Variants in USP13 observed in about 807,000 individuals in gnomAD.
USP13 encodes the protein ubiquitin specific peptidase 13, also known as ubiquitin carboxyl-terminal hydrolase 13.
A neutral mutation model predicts 107.8 loss-of-function variants in USP13; 68 were observed. The ratio of observed to expected loss-of-function variants is 0.63; its 90% CI spans 0.52 to 0.77. The LOEUF is 0.77. USP13 is among the 30% of genes least tolerant of loss of function. The pLI is 0.00. For missense variants in USP13, 945 were observed against 1,093.3 expected (o/e 0.86, Z 1.91); for synonymous variants, 377 against 389.5 (o/e 0.97, Z 0.38).
At chr3:179,745,287 A>T in intron 13 of USP13, 70 bp downstream of exon 13, 3 of 1,464,018 alleles carry the variant, frequency 2.0e-6, no homozygotes, top group African/African-American at 1.5e-5. Flanking sequence ...GGGGTAAGGG[A>T]AAGGGGGTGG....
chr3:179,774,534 C>T (rs1385448943), intron 19 of USP13, among the ~76,000 whole-genome samples: 1 of 151,934 alleles, frequency 6.6e-6, no homozygotes, highest in Non-Finnish European at 1.5e-5. Flanking sequence ...TTCGTTCCTC[C>T]TGTCCGGAGT....
chr3:179,758,692 G>A (rs1199571994), intron 16 of USP13, among the ~76,000 whole-genome samples: 1 of 151,902 alleles, frequency 6.6e-6, no homozygotes, highest in African/African-American at 2.4e-5. Context: ...TAGAGACGGG[G>A]TTTTACCGTG....
chr3:179,758,075 A>G (rs139738649), intron 16 of USP13, among the ~76,000 whole-genome samples: 1,602 of 152,232 alleles, frequency 0.011, 17 homozygotes, highest in Non-Finnish European at 0.016. Flanking sequence ...CAGGTCTACA[A>G]CTCTACTTTT....
intron 2 of USP13, among the ~76,000 whole-genome samples, chr3:179,687,002 C>G (rs1711895451): frequency 1.3e-5 from 2 of 152,224 alleles, no homozygotes; most frequent in South Asian, 2.1e-4. Context: ...CTGTCTTCTT[C>G]CTCAGAAGGA....
rs1250576208 is a variant in USP13, at chr3:179,730,514, C to T, written c.1161-102C>T. 41 of 976,100 alleles carry T rather than the reference C, an allele frequency of 4.2e-5. 1 individual carries two copies. In the South Asian group the frequency reaches 6.2e-4, roughly 15 times the overall value. 60.5% of individuals were successfully genotyped at this position (976,100 alleles called of 1,614,324 possible). On this transcript the variant is annotated intron_variant, in intron 9 of 20. Coordinates refer to ENST00000263966, the MANE Select transcript of USP13 (RefSeq NM_003940.3). ...TGTGTGTAACGCAGATCAAATGCTC[C>T]ACCTAACAGCAGTTGTACTTATTGA...
chr3:179,727,163 GTTTTTTT>G (rs528617941), intron 8 of USP13, among the ~76,000 whole-genome samples: 3 of 114,358 alleles, frequency 2.6e-5, no homozygotes, highest in South Asian at 6.1e-4. Flanking sequence ...AATTTTTAAT[GTTTTTTT>G]TTTTTTTTTT....
At chr3:179,666,906 A>G (rs768996005) in intron 1 of USP13, among the ~76,000 whole-genome samples, 1 of 152,128 alleles carries the variant, frequency 6.6e-6, no homozygotes, top group Non-Finnish European at 1.5e-5. Context: ...ACCTCCACTT[A>G]CTACTTAGTA....
intron 6 of USP13, among the ~76,000 whole-genome samples, chr3:179,714,951 G>A (rs1713060394): frequency 6.8e-6 from 1 of 148,116 alleles, no homozygotes. Flanking sequence ...GCTTACTGCA[G>A]CCTCAACTTC....
chr3:179,749,980 C>T (rs751707717), intron 13 of USP13, among the ~76,000 whole-genome samples: 1 of 152,058 alleles, frequency 6.6e-6, no homozygotes, highest in African/African-American at 2.4e-5. Flanking sequence ...ATTAAAATAT[C>T]ATGGCCGGGT....
At chr3:179,708,712 T>G in intron 5 of USP13, 61 bp from the exon 6 acceptor site, 1 of 1,587,722 alleles carries the variant, frequency 6.3e-7, no homozygotes, top group Non-Finnish European at 8.6e-7. Flanking sequence ...TCTGTCTTCT[T>G]AGATGTTAAG....
In USP13 at chr3:179,754,828, C is replaced by T. The variant is rs763304833; in HGVS notation, c.1895C>T (p.Pro632Leu). 6 of 1,612,544 alleles carry T rather than the reference C, an allele frequency of 3.7e-6. No homozygotes were observed. In the Admixed American group the frequency reaches 6.7e-5, roughly 18 times the overall value. ...GEEELPDISPPIVIPDDSKDR... is the reference protein window; with the variant it reads ...GEEELPDISPLIVIPDDSKDR... ...GAAGAACTTCCAGACATCAGCCCCC[C>T]CATAGTCATTCCTGATGACTCAAAA... Residue 632 changes from proline to leucine, a missense_variant, in exon 15 of 21, where the codon CCC (proline) becomes CTC (leucine). Coordinates refer to ENST00000263966, the MANE Select transcript of USP13 (RefSeq NM_003940.3).
chr3:179,675,536 T>TTTA (rs57851865), intron 1 of USP13, among the ~76,000 whole-genome samples: 47,009 of 146,168 alleles, frequency 0.32, 7,834 homozygotes, highest in African/African-American at 0.39. Flanking sequence ...TGTAACCTAT[T>TTTA]TTATTATTAT....
chr3:179,727,798 A>AC lies in USP13; in HGVS notation c.1089-2381dup, dbSNP rs547029553. Among the ~76,000 whole-genome samples, 113 of 32,676 alleles carry AC rather than the reference A, an allele frequency of 3.5e-3. 24 individuals carry two copies. Among genetic ancestry groups the AC allele is most frequent in the African/African-American group, 3.9e-3 (47 of 11,958 alleles). The allele number at this position is 32,676 out of a possible 152,430, so 21.4% of individuals were successfully genotyped here. A position where few individuals can be genotyped will look rare whatever the true frequency, so the allele number is the denominator to read the frequency against. On this transcript the variant is annotated intron_variant, in intron 8 of 20. Transcript: ENST00000263966. ...GGGCGGCTGGCTGGGCAGGGGGCTG[A>AC]CCCCCCCCCCACCTCCCTCCCGGAC... is the stretch of plus-strand genomic sequence containing the variant.
At chr3:179,720,809 A>G (rs1417342519) in intron 7 of USP13, among the ~76,000 whole-genome samples, 3 of 145,382 alleles carry the variant, frequency 2.1e-5, no homozygotes, top group Admixed American at 2.0e-4. Flanking sequence ...TCTCTTTAAA[A>G]TCTTTTTTTT....
At chr3:179,768,355 T>C (rs1001804649) in intron 19 of USP13, among the ~76,000 whole-genome samples, 4 of 152,164 alleles carry the variant, frequency 2.6e-5, no homozygotes, top group Non-Finnish European at 5.9e-5. Flanking sequence ...CATCATCTCC[T>C]CAGGGCTTAC....
At chr3:179,738,211 G>A (rs1714060986) in intron 10 of USP13, among the ~76,000 whole-genome samples, 1 of 152,202 alleles carries the variant, frequency 6.6e-6, no homozygotes, top group African/African-American at 2.4e-5. Context: ...TTGTGCTCTG[G>A]ACTTCAGAGG....
rs998570420 is a variant in USP13, at chr3:179,706,927, C to T, written c.478-7C>T. 4 of 1,611,478 alleles carry T rather than the reference C, an allele frequency of 2.5e-6. No individual in the cohort carries two copies. Among genetic ancestry groups the T allele is most frequent in the African/African-American group, 1.3e-5 (1 of 74,888 alleles). On this transcript the variant is annotated splice_polypyrimidine_tract_variant and splice_region_variant and intron_variant, in intron 4 of 20. Transcript: ENST00000263966. ...TTTTATATATTACATCTGGGTTTGT[C>T]TTATAGGTAACAATTGCTTGTGATG...
At position 179,744,503 on chromosome 3, in the gene USP13, A is replaced by G. The variant is rs115065820; in HGVS notation, c.1535-540A>G. Among the ~76,000 whole-genome samples the G allele has an allele frequency of 3.9e-3, 591 of 152,204 alleles. 3 individuals are homozygous for G. Among genetic ancestry groups the G allele is most frequent in the Non-Finnish European group, 6.1e-3 (414 of 68,018 alleles). ...CAATGTAACATCTCTTTCTGGCCTT[A>G]TCTGTTGGGTTGTGGAGGGAGTGCT... On this transcript the variant is annotated intron_variant, in intron 12 of 20. Coordinates refer to ENST00000263966, the MANE Select transcript of USP13 (RefSeq NM_003940.3).
chr3:179,660,697 T>C (rs984177781), intron 1 of USP13, among the ~76,000 whole-genome samples: 1 of 152,200 alleles, frequency 6.6e-6, no homozygotes, highest in Non-Finnish European at 1.5e-5. Flanking sequence ...AATGTTTACT[T>C]GTAGGGAGAA....
Sources: allele counts gnomAD v4.1 joint callset (sites outside exome capture counted in the v4.1 genomes callset), GRCh38; gene constraint gnomAD v4.1.1; transcripts MANE v1.5; gene names NCBI Gene and HGNC (gene_info 2026-07-23, HGNC 2026-07-21).